The following TTC17 variants were observed in gnomAD, a reference collection of about 807,000 sequenced individuals.
TTC17 encodes tetratricopeptide repeat domain 17.
Under a neutral mutation model 143.8 loss-of-function variants are expected in TTC17, and 58 were observed. That is an observed-to-expected ratio of 0.40 (90% CI 0.33 to 0.50). TTC17 has a LOEUF of 0.50. Among genes scored for constraint, TTC17 ranks in the 20% least tolerant of loss-of-function variants. The pLI, the probability that TTC17 is intolerant of heterozygous loss-of-function variation, is 0.49. For synonymous variants in TTC17, 501 were observed against 497.8 expected (o/e 1.01, Z -0.09); for missense variants, 1,273 against 1,392.5 (o/e 0.91, Z 1.37).
At chr11:43,391,679 C>T (rs1857395683) in intron 4 of TTC17, 103 bp downstream of exon 4, 1 of 1,285,628 alleles carries the variant, frequency 7.8e-7, no homozygotes, top group Non-Finnish European at 1.1e-6. Context: ...TCCTTCCTGA[C>T]AGCTTTGTAA....
chr11:43,444,202 G>T lies in TTC17; in HGVS notation c.2658G>T (p.Gly886=), dbSNP rs1372382181. The change falls in exon 18 of 24, where the codon GGG becomes GGT. Residue 886 remains glycine (G), a synonymous_variant. Transcript: ENST00000039989. ...CTGGCCCCAAGGTGGCATCTCCTGGGCCACAAGGTAAATTTGAATGTTTAA... is the reference window on the plus strand; with the variant it reads ...CTGGCCCCAAGGTGGCATCTCCTGGTCCACAAGGTAAATTTGAATGTTTAA... ...EITGPKVASP[G]PQGKKRDYQR... The T allele has an allele frequency of 6.3e-7, 1 of 1,598,134 alleles. No individual in the cohort carries two copies. Among genetic ancestry groups the T allele is most frequent in the Non-Finnish European group, 8.5e-7 (1 of 1,175,478 alleles).
At chr11:43,370,198 C>A (rs2134450191) in intron 1 of TTC17, 1 of 408,626 alleles carries the variant, frequency 2.4e-6, no homozygotes, top group South Asian at 1.8e-5. Flanking sequence ...AGACTTGAAT[C>A]CTGAAGAGAT....
intron 1 of TTC17, among the ~76,000 whole-genome samples, chr11:43,374,083 A>G (rs1471639096): frequency 4.6e-5 from 7 of 152,220 alleles, no homozygotes; most frequent in Non-Finnish European, 1.0e-4. Flanking sequence ...TCCTCAAACA[A>G]TCAACAGTAT....
chr11:43,445,131 GT>G (rs1388852580), intron 18 of TTC17, among the ~76,000 whole-genome samples: 1 of 152,106 alleles, frequency 6.6e-6, no homozygotes, highest in African/African-American at 2.4e-5. Context: ...TGGTAATATA[GT>G]AAGTAAAGAA....
intron 2 of TTC17, among the ~76,000 whole-genome samples, chr11:43,387,360 G>A (rs1857207926): frequency 6.6e-6 from 1 of 152,176 alleles, no homozygotes; most frequent in African/African-American, 2.4e-5. Context: ...AGTTTCTACT[G>A]AGAAGTGACA....
intron 15 of TTC17, among the ~76,000 whole-genome samples, chr11:43,414,266 GTTAC>G (rs1284680837): frequency 6.6e-6 from 1 of 152,064 alleles, no homozygotes; most frequent in Non-Finnish European, 1.5e-5. Flanking sequence ...CACAACAATG[GTTAC>G]TTCTGGGGTT....
rs1324127696 is a variant in TTC17 at position 43,407,180 on chromosome 11, G to A, written c.1804G>A (p.Glu602Lys). Residue 602 changes from glutamate (E) to lysine (K), a missense_variant, in exon 14 of 24, where the codon GAA becomes AAA. Transcript: ENST00000039989. Reference protein sequence around the residue: ...RINNYTIPEEEIGSFLFHAIN... With the variant: ...RINNYTIPEEKIGSFLFHAIN... Reference sequence around the variant, plus strand: ...TAATAACTATACTATCCCAGAAGAAGAAATTGGGTCTTTCTTATTTCATGC... The same window carrying A: ...TAATAACTATACTATCCCAGAAGAAAAAATTGGGTCTTTCTTATTTCATGC... The A allele has an allele frequency of 1.9e-6, 3 of 1,600,122 alleles. No homozygotes were observed. Among genetic ancestry groups the A allele is most frequent in the Non-Finnish European group, 2.6e-6 (3 of 1,175,904 alleles).
At chr11:43,377,106 A>G (rs992018738) in intron 1 of TTC17, among the ~76,000 whole-genome samples, 9 of 152,180 alleles carry the variant, frequency 5.9e-5, no homozygotes, top group Non-Finnish European at 1.3e-4. Context: ...AGGCTGGCCA[A>G]CATGGTGAAA....
rs748464330 is a variant in TTC17 at position 43,396,699 on chromosome 11, T to C, written c.664-10T>C. 5.6e-5 allele frequency: 85 copies of C among 1,519,052 alleles called. No homozygotes were observed. Among genetic ancestry groups the C allele is most frequent in the South Asian group, 1.6e-4 (13 of 80,384 alleles). The allele number at this position is 1,519,052 out of a possible 1,614,324, so 94.1% of individuals were successfully genotyped here. On this transcript the variant is annotated splice_polypyrimidine_tract_variant and intron_variant, in intron 5 of 23. Transcript: ENST00000039989. ...AGTCGTGTTTGTAATTTTACTTTTT[T>C]AATCTCTAGAACACTTCCTCGTGGG...
chr11:43,384,264 A>G (rs992938961), intron 2 of TTC17, among the ~76,000 whole-genome samples: 23 of 152,192 alleles, frequency 1.5e-4, no homozygotes, highest in African/African-American at 5.3e-4. Context: ...AAGAAAGGTG[A>G]TATGGATGTA....
intron 5 of TTC17, 26 bp downstream of exon 5, chr11:43,391,978 C>A (rs1198224677): frequency 6.3e-7 from 1 of 1,580,782 alleles, no homozygotes; most frequent in East Asian, 2.3e-5. Flanking sequence ...CTTAAAGAGC[C>A]AGCGGGCTGA....
chr11:43,436,485 G>A (rs565630276), intron 16 of TTC17, among the ~76,000 whole-genome samples: 3 of 152,320 alleles, frequency 2.0e-5, no homozygotes, highest in Non-Finnish European at 4.4e-5. Context: ...TGGTGAGGCA[G>A]AAGACAAGCT....
At chr11:43,391,318 GAGACTAGGAGATCAA>G in intron 3 of TTC17, 132 bp from the exon 4 acceptor site, 1 of 576,052 alleles carries the variant, frequency 1.7e-6, no homozygotes, top group Non-Finnish European at 3.1e-6. Context: ...AGGATCGCTT[GAGACTAGGAGATCAA>G]GGCTGCAGTG....
At chr11:43,458,206 A>C (rs7111463) in intron 21 of TTC17, among the ~76,000 whole-genome samples, 149,493 of 152,188 alleles carry the variant, frequency 0.98, 73,482 homozygotes, top group South Asian at 1. Context: ...GGCTACACAC[A>C]CAAGAGCTCT....
intron 5 of TTC17, among the ~76,000 whole-genome samples, chr11:43,393,106 C>T (rs940931673): frequency 4.6e-5 from 7 of 152,128 alleles, no homozygotes; most frequent in South Asian, 2.1e-4. Flanking sequence ...TTTTCTCACA[C>T]GACTAATTCG....
intron 21 of TTC17, among the ~76,000 whole-genome samples, chr11:43,471,005 C>T (rs1398941018): frequency 1.3e-5 from 2 of 152,158 alleles, no homozygotes; most frequent in African/African-American, 4.8e-5. Flanking sequence ...TAATTGTCTC[C>T]TTAGGGAGTT....
chr11:43,377,288 G>T (rs903155272), intron 1 of TTC17, among the ~76,000 whole-genome samples: 3 of 151,532 alleles, frequency 2.0e-5, no homozygotes, highest in African/African-American at 4.8e-5. Context: ...GTAAGATTCC[G>T]TCTAAAAAAA....
chr11:43,406,098 A>T (rs867293596), intron 13 of TTC17, 147 bp downstream of exon 13: 1 of 1,055,520 alleles, frequency 9.5e-7, no homozygotes, highest in Middle Eastern at 2.6e-4. Context: ...TGGTGAAATG[A>T]TGGCGAAGTC....
chr11:43,474,971 AG>A (rs1948158263), intron 21 of TTC17, among the ~76,000 whole-genome samples: 1 of 152,052 alleles, frequency 6.6e-6, no homozygotes, highest in Non-Finnish European at 1.5e-5. Context: ...ACGGAAGAAG[AG>A]GGGTTGGTCT....
Sources: allele counts gnomAD v4.1 joint callset (sites outside exome capture counted in the v4.1 genomes callset), GRCh38; gene constraint gnomAD v4.1.1; transcripts MANE v1.5; gene names NCBI Gene and HGNC (gene_info 2026-07-23, HGNC 2026-07-21).